DSCAM: variants seen among roughly 807,000 people sequenced by gnomAD.
DSCAM encodes DS cell adhesion molecule.
DSCAM carries 47 observed loss-of-function variants against 217.7 expected under a neutral mutation model. The ratio of observed to expected loss-of-function variants is 0.22; its 90% CI spans 0.17 to 0.28. The LOEUF is 0.28. Among genes scored for constraint, DSCAM ranks in the 10% least tolerant of loss-of-function variants. The pLI is 1.00. For synonymous variants in DSCAM, 1,056 were observed against 1,015.3 expected, an observed-to-expected ratio of 1.04 and a Z score of -0.76; for missense variants, 2,080 against 2,618.3, an observed-to-expected ratio of 0.79 and a Z score of 4.49.
chr21:40,486,692 A>G (rs964802630), intron 3 of DSCAM, among the ~76,000 whole-genome samples: 1 of 152,182 alleles, frequency 6.6e-6, no homozygotes, highest in African/African-American at 2.4e-5. Context: ...CATTAGGACT[A>G]AAGCTTGAAT....
chr21:40,500,756 G>A (rs1292468669), intron 3 of DSCAM, among the ~76,000 whole-genome samples: 1 of 152,190 alleles, frequency 6.6e-6, no homozygotes, highest in African/African-American at 2.4e-5. Context: ...AACCTGAATG[G>A]GAAGGAGCAG....
At chr21:40,501,488 A>G (rs191236489) in intron 3 of DSCAM, among the ~76,000 whole-genome samples, 1 of 152,326 alleles carries the variant, frequency 6.6e-6, no homozygotes, top group East Asian at 1.9e-4. Context: ...ATTGTGATAT[A>G]TAAAGACTGT....
At chr21:40,463,406 C>T (rs973252949) in intron 3 of DSCAM, among the ~76,000 whole-genome samples, 1 of 152,156 alleles carries the variant, frequency 6.6e-6, no homozygotes, top group Non-Finnish European at 1.5e-5. Flanking sequence ...CATACCGAGA[C>T]CACCCGGTAT....
At chr21:40,638,615 A>G (rs576502547) in intron 3 of DSCAM, among the ~76,000 whole-genome samples, 1 of 152,292 alleles carries the variant, frequency 6.6e-6, no homozygotes, top group East Asian at 1.9e-4. Context: ...CCTGATTTCA[A>G]GCACGGCGAG....
At chr21:40,784,921 A>G (rs1418878447) in intron 1 of DSCAM, among the ~76,000 whole-genome samples, 2 of 152,202 alleles carry the variant, frequency 1.3e-5, no homozygotes, top group African/African-American at 4.8e-5. Context: ...GAACTGAGAC[A>G]ATATTCATTC....
intron 11 of DSCAM, among the ~76,000 whole-genome samples, chr21:40,200,645 A>G (rs551627854): frequency 5.8e-4 from 89 of 152,322 alleles, no homozygotes; most frequent in African/African-American, 2.0e-3. Flanking sequence ...TTTGCTAGAG[A>G]AAATGGCTTG....
chr21:40,692,020 C>T (rs528859006), intron 3 of DSCAM, among the ~76,000 whole-genome samples: 4 of 152,344 alleles, frequency 2.6e-5, no homozygotes, highest in African/African-American at 9.6e-5. Flanking sequence ...TGAGGGCATA[C>T]AGACATGTCT....
At chr21:40,559,560 C>T (rs1264365117) in intron 3 of DSCAM, among the ~76,000 whole-genome samples, 2 of 151,674 alleles carry the variant, frequency 1.3e-5, no homozygotes. Context: ...TCAGGATCCA[C>T]ATAGGTATAG....
intron 27 of DSCAM, among the ~76,000 whole-genome samples, chr21:40,067,044 C>T (rs1486080512): frequency 6.6e-6 from 1 of 152,120 alleles, no homozygotes; most frequent in African/African-American, 2.4e-5. Flanking sequence ...ATTTAATATG[C>T]CTGACCTACC....
rs778226587 is a variant in DSCAM at position 40,013,154 on chromosome 21, C to T, written c.5919G>A (p.Gln1973=). ...CCTGTCCCAGCTCTGCTCCCTCCCG[C>T]TGAGGTAATGTGGCCACGGCCCCCG... ...WQPGAVATLP[Q]REGAELGQAA... is the part of the protein sequence containing the mutation. The change falls in exon 33 of 33, where the codon CAG becomes CAA. Residue 1973 remains glutamine (Q), a synonymous_variant. Transcript: ENST00000400454. 27 of 1,613,608 alleles carry T rather than the reference C, an allele frequency of 1.7e-5. No homozygotes were observed. Among genetic ancestry groups the T allele is most frequent in the Non-Finnish European group, 2.1e-5 (25 of 1,179,770 alleles).
chr21:40,140,219 T>C (rs187323057), intron 18 of DSCAM, among the ~76,000 whole-genome samples: 4 of 152,126 alleles, frequency 2.6e-5, no homozygotes, highest in African/African-American at 4.8e-5. Context: ...TTCTGAAGGT[T>C]TCTTGCTTAT....
intron 3 of DSCAM, chr21:40,383,164 C>T (rs1412978608): frequency 6.6e-6 from 1 of 152,016 alleles, no homozygotes; most frequent in Non-Finnish European, 1.5e-5. Flanking sequence ...CCCGTCTCTA[C>T]TAAAAATACA....
At chr21:40,257,654 T>C (rs1168898459) in intron 11 of DSCAM, among the ~76,000 whole-genome samples, 1 of 152,102 alleles carries the variant, frequency 6.6e-6, no homozygotes, top group Non-Finnish European at 1.5e-5. Context: ...ATTTTTACAG[T>C]TGTGGAAATA....
At chr21:40,120,640 T>C (rs955797230) in intron 20 of DSCAM, among the ~76,000 whole-genome samples, 1 of 152,234 alleles carries the variant, frequency 6.6e-6, no homozygotes, top group Admixed American at 6.5e-5. Context: ...AAATGACTTT[T>C]GAGATTTTGC....
intron 3 of DSCAM, among the ~76,000 whole-genome samples, chr21:40,424,980 C>T (rs1005018314): frequency 6.6e-6 from 1 of 151,936 alleles, no homozygotes; most frequent in Non-Finnish European, 1.5e-5. Flanking sequence ...TGCCTGTAAT[C>T]CCAGCTATTC....
chr21:40,614,570 T>C (rs906819728), intron 3 of DSCAM, among the ~76,000 whole-genome samples: 3 of 152,292 alleles, frequency 2.0e-5, no homozygotes, highest in East Asian at 3.9e-4. Context: ...TGCTCACTCT[T>C]TGGTTCAGAA....
At chr21:40,626,802 T>C (rs1018888177) in intron 3 of DSCAM, among the ~76,000 whole-genome samples, 1 of 152,204 alleles carries the variant, frequency 6.6e-6, no homozygotes, top group Admixed American at 6.5e-5. Flanking sequence ...TAGTGGATGG[T>C]AAGTACATAT....
At chr21:40,451,323 G>C (rs1422415713) in intron 3 of DSCAM, among the ~76,000 whole-genome samples, 3 of 152,176 alleles carry the variant, frequency 2.0e-5, no homozygotes, top group Admixed American at 2.0e-4. Context: ...CTTTCTACTG[G>C]CTTAGACATC....
At chr21:40,794,244 G>C (rs995082290) in intron 1 of DSCAM, among the ~76,000 whole-genome samples, 4 of 152,132 alleles carry the variant, frequency 2.6e-5, no homozygotes, top group African/African-American at 9.7e-5. Context: ...AAGCAATAAA[G>C]AAGCAATAAG....
Sources: allele counts gnomAD v4.1 joint callset (sites outside exome capture counted in the v4.1 genomes callset), GRCh38; gene constraint gnomAD v4.1.1; transcripts MANE v1.5; gene names NCBI Gene and HGNC (gene_info 2026-07-23, HGNC 2026-07-21).